Variants in ADGRF5 observed in about 807,000 individuals in gnomAD.
ADGRF5 encodes adhesion G protein-coupled receptor F5, also known as G-protein coupled receptor 116.
In ADGRF5, 75 loss-of-function variants were observed where a neutral mutation model predicts 132.3. The observed-to-expected ratio is 0.57, with a 90% CI of 0.47 to 0.69. The LOEUF (loss-of-function observed/expected upper bound fraction) is 0.69, where lower values mean the gene tolerates loss of function less well. Ranked by LOEUF, ADGRF5 falls within the 30% of genes least tolerant of loss-of-function variation. The pLI, the probability that ADGRF5 is intolerant of heterozygous loss-of-function variation, is 0.00. For synonymous variants in ADGRF5, 629 were observed against 597.6 expected (o/e 1.05, Z -0.77); for missense variants, 1,516 against 1,630.6 (o/e 0.93, Z 1.21).
intron 3 of ADGRF5, among the ~76,000 whole-genome samples, chr6:46,892,523 G>A (rs892230798): frequency 6.6e-5 from 10 of 152,122 alleles, no homozygotes; most frequent in East Asian, 3.9e-4. Flanking sequence ...AGGCTGAGGC[G>A]GGTGGATCAC....
chr6:46,866,998 G>A lies in ADGRF5; in HGVS notation c.1761C>T (p.His587=), dbSNP rs182260273. 2.4e-4 allele frequency: 389 copies of A among 1,613,792 alleles called. 2 individuals are homozygous for A. In the East Asian group the frequency reaches 6.7e-3, roughly 28 times the overall value. Residue 587 remains histidine, a synonymous_variant, in exon 13 of 21, where the codon CAC becomes CAT. Coordinates refer to ENST00000283296, the MANE Select transcript of ADGRF5 (RefSeq NM_001098518.2). ...CATCCTCCTCTATGCAGCACTTGAT[G>A]TGATGGGAACCACTGCATGAAACAG... ...EATVSCSGSH[H]IKCCIEEDGD... is the part of the protein sequence containing the mutation.
At chr6:46,868,502 T>G (rs1171709479) in intron 12 of ADGRF5, among the ~76,000 whole-genome samples, 2 of 152,182 alleles carry the variant, frequency 1.3e-5, no homozygotes, top group African/African-American at 4.8e-5. Context: ...AATGTGTTCC[T>G]TTTTTTGGAA....
chr6:46,921,314 C>T (rs1355237996), intron 1 of ADGRF5, among the ~76,000 whole-genome samples: 1 of 152,266 alleles, frequency 6.6e-6, no homozygotes, highest in East Asian at 1.9e-4. Flanking sequence ...AGCCTGACCA[C>T]AGCAATGGCC....
At chr6:46,856,183 A>G (rs1256402046) in intron 19 of ADGRF5, 125 bp from the exon 20 acceptor site, 3 of 626,278 alleles carry the variant, frequency 4.8e-6, no homozygotes, top group Non-Finnish European at 8.7e-6. Flanking sequence ...TCCCACTCCC[A>G]GAGGTCACAT....
At chr6:46,888,227 C>G (rs1581859632) in intron 4 of ADGRF5, 108 bp downstream of exon 4, 2 of 748,034 alleles carry the variant, frequency 2.7e-6, no homozygotes, top group Admixed American at 2.3e-5. Context: ...CTCGGTGAGT[C>G]ATTTCACTTG....
At chr6:46,872,265 T>C (rs879760587) in intron 10 of ADGRF5, among the ~76,000 whole-genome samples, 3 of 152,168 alleles carry the variant, frequency 2.0e-5, no homozygotes, top group Non-Finnish European at 4.4e-5. Flanking sequence ...TGTGCTTCAG[T>C]TCTCCAGATG....
upstream of ADGRF5, among the ~76,000 whole-genome samples, chr6:46,926,018 C>T (rs1293963793): frequency 6.6e-6 from 1 of 151,972 alleles, no homozygotes; most frequent in Non-Finnish European, 1.5e-5. Context: ...AGAAAATTCT[C>T]CTTTGGCACT....
chr6:46,864,312 A>T (rs1399249170), intron 14 of ADGRF5, among the ~76,000 whole-genome samples: 1 of 152,162 alleles, frequency 6.6e-6, no homozygotes, highest in African/African-American at 2.4e-5. Context: ...GTGGCAAAGG[A>T]TGGGAAAGGC....
At chr6:46,941,079 A>T (rs1300394056) in intron 1 of ADGRF5, among the ~76,000 whole-genome samples, 1 of 152,096 alleles carries the variant, frequency 6.6e-6, no homozygotes, top group Non-Finnish European at 1.5e-5. Context: ...TCACATCTCT[A>T]ATCCTAGCAC....
intron 1 of ADGRF5, among the ~76,000 whole-genome samples, chr6:46,934,995 GTTC>G: frequency 8.2e-6 from 1 of 122,086 alleles, no homozygotes; most frequent in African/African-American, 3.2e-5. Context: ...TATGGTGATA[GTTC>G]TTTTTTTTTT....
chr6:46,912,072 A>G (rs142246632), intron 1 of ADGRF5, among the ~76,000 whole-genome samples: 152 of 152,278 alleles, frequency 1.0e-3, no homozygotes, highest in African/African-American at 3.5e-3. Context: ...AAGGGTACAG[A>G]TCTGGTATGA....
At chr6:46,901,362 C>A (rs536098006) in intron 2 of ADGRF5, among the ~76,000 whole-genome samples, 1 of 152,256 alleles carries the variant, frequency 6.6e-6, no homozygotes, top group South Asian at 2.1e-4. Context: ...TCTCTGAAGT[C>A]TCCCAGATAA....
At chr6:46,954,697 AT>A (rs1287826893) in intron 1 of ADGRF5, 1 of 152,218 alleles carries the variant, frequency 6.6e-6, no homozygotes, top group African/African-American at 2.4e-5. Flanking sequence ...CCGGATTCAC[AT>A]TTAACATGGC....
rs545926481 is a variant in ADGRF5, at chr6:46,916,176, C to T, written c.-25+5537G>A. On this transcript the variant is annotated intron_variant, in intron 1 of 20. Coordinates refer to ENST00000283296, the MANE Select transcript of ADGRF5 (RefSeq NM_001098518.2). ...CAGAACTGTATTTCCAGCCTCTGACCTTTATGGCATATTGCCTCTTTTCTT... is the reference window on the plus strand; with the variant it reads ...CAGAACTGTATTTCCAGCCTCTGACTTTTATGGCATATTGCCTCTTTTCTT... Among the ~76,000 whole-genome samples, 97 of 152,330 alleles carry T rather than the reference C, an allele frequency of 6.4e-4. 1 individual carries two copies. The highest frequency in any genetic ancestry group is 3.4e-3 in the Middle Eastern group (1 of 294).
At chr6:46,918,634 C>T (rs1285422862) in intron 1 of ADGRF5, among the ~76,000 whole-genome samples, 3 of 152,180 alleles carry the variant, frequency 2.0e-5, no homozygotes, top group African/African-American at 7.2e-5. Flanking sequence ...GTAAAATCTG[C>T]AAGTCTTAGG....
Position 46,929,996 on chromosome 6 carries a change from T to C in ADGRF5, c.-24-23210A>G, listed in dbSNP as rs542385614. Among the ~76,000 whole-genome samples the C allele has an allele frequency of 2.6e-5, 4 of 152,106 alleles. No individual in the cohort carries two copies. The South Asian group carries it at 8.3e-4, about 32-fold the overall frequency. On this transcript the variant is annotated intron_variant, in intron 1 of 20. Transcript: ENST00000265417. ...CCACCATGCCCAGCTAATTTTTGTA[T>C]TTTTAGTGGAGATGGGGTTTCACTA...
intron 1 of ADGRF5, among the ~76,000 whole-genome samples, chr6:46,948,872 T>C (rs150721230): frequency 1.4e-3 from 211 of 152,158 alleles, no homozygotes; most frequent in African/African-American, 4.8e-3. Flanking sequence ...CTAGGCGGGG[T>C]TAACATGAGC....
At chr6:46,860,988 G>A (rs904075860) in intron 15 of ADGRF5, 94 bp from the exon 16 acceptor site, 18 of 940,104 alleles carry the variant, frequency 1.9e-5, no homozygotes, top group Middle Eastern at 3.1e-4. Flanking sequence ...TCTCACATCC[G>A]TTGTTTCCTT....
At chr6:46,863,323 C>A (rs476374) in intron 14 of ADGRF5, 1 of 629,290 alleles carries the variant, frequency 1.6e-6, no homozygotes. Flanking sequence ...CTTTTCCTAA[C>A]AGAATTTTAT....
Sources: gnomAD v4.1 joint callset for allele counts (sites outside exome capture counted in the v4.1 genomes callset) on GRCh38, gnomAD v4.1.1 for gene constraint, MANE v1.5 for transcripts, NCBI Gene and HGNC (gene_info 2026-07-23, HGNC 2026-07-21) for gene names.